Variants in EIF4A1 observed in about 807,000 individuals in gnomAD.
The protein encoded by EIF4A1 is eukaryotic translation initiation factor 4A1.
EIF4A1 carries 11 observed loss-of-function variants against 53.5 expected under a neutral mutation model. That is an observed-to-expected ratio of 0.21 (90% CI 0.13 to 0.34). The LOEUF (loss-of-function observed/expected upper bound fraction) is 0.34. Among genes scored for constraint, EIF4A1 ranks in the 10% least tolerant of loss-of-function variants. The pLI is 1.00. For missense variants in EIF4A1, 213 were observed against 530.8 expected, an observed-to-expected ratio of 0.40 and a Z score of 5.88; for synonymous variants, 237 against 186.7, an observed-to-expected ratio of 1.27 and a Z score of -2.20.
In EIF4A1 at chr17:7,578,780, G is replaced by C; in HGVS notation, c.*294G>C. Reference sequence around the variant, plus strand: ...CAGAGGCTCTCCTCACCTCAGCTGAGCTCCTTTGAAAGTGATTCAAGGGAC... The same window carrying C: ...CAGAGGCTCTCCTCACCTCAGCTGACCTCCTTTGAAAGTGATTCAAGGGAC... On this transcript the variant is annotated 3_prime_UTR_variant, in exon 11 of 11. Coordinates refer to ENST00000293831, the MANE Select transcript of EIF4A1 (RefSeq NM_001416.4). The C allele has an allele frequency of 4.3e-6, 1 of 233,162 alleles. No individual in the cohort carries two copies. The highest frequency in any genetic ancestry group is 8.3e-6 in the Non-Finnish European group (1 of 119,852). The allele number at this position is 233,162 out of a possible 1,614,324, so 14.4% of individuals were successfully genotyped here. A position where few individuals can be genotyped will look rare whatever the true frequency, so the allele number is the denominator to read the frequency against.
At chr17:7,578,108 C>T (rs751988474) in intron 9 of EIF4A1, 57 bp from the exon 10 acceptor site, 33 of 1,611,802 alleles carry the variant, frequency 2.0e-5, no homozygotes, top group Non-Finnish European at 2.8e-5. Flanking sequence ...AAGTGTCTTC[C>T]CTCCGGGATA....
intron 5 of EIF4A1, 55 bp downstream of exon 5, chr17:7,576,747 C>CCAGTCTTT: frequency 6.4e-7 from 1 of 1,566,232 alleles, no homozygotes; most frequent in Non-Finnish European, 8.7e-7. Context: ...TGCACGCTTT[C>CCAGTCTTT]CAGTCTTTCA....
chr17:7,578,146 G>GT lies in EIF4A1; in HGVS notation c.997-17dup. On this transcript the variant is annotated intron_variant, in intron 9 of 10. Coordinates refer to ENST00000293831, the MANE Select transcript of EIF4A1 (RefSeq NM_001416.4). ...GTGTCCTCCGTGCACATGCTGAAGA[G>GT]TTGTCTTTCTTGACGTAGGCCAGAG... The GT allele has an allele frequency of 6.2e-7, 1 of 1,614,206 alleles. No homozygotes were observed. The highest frequency in any genetic ancestry group is 1.1e-5 in the South Asian group (1 of 91,084).
Position 7,574,325 on chromosome 17 carries a change from G to A in EIF4A1, c.72+17G>A, listed in dbSNP as rs774973087. On this transcript the variant is annotated intron_variant, in intron 2 of 10. Transcript: ENST00000293831. ...GTCATCGAGGTGAGACTGGAGAAAT[G>A]GAATTCTGTCCTCCCCCATTACAAC... 2.5e-6 allele frequency: 4 copies of A among 1,614,146 alleles called. No individual in the cohort carries two copies. The South Asian group carries it at 3.3e-5, about 13-fold the overall frequency.
At position 7,578,740 on chromosome 17, in the gene EIF4A1, G is replaced by T. The variant is rs1448672428; in HGVS notation, c.*254G>T. ...AACACTAATCCATTTCCCTAACCTA[G>T]TAACCTCCAGATCCCAGAGGCTCTC... On this transcript the variant is annotated 3_prime_UTR_variant, in exon 11 of 11. Transcript: ENST00000293831. The T allele has an allele frequency of 3.4e-6, 1 of 294,790 alleles. No individual in the cohort carries two copies. The highest frequency in any genetic ancestry group is 2.2e-5 in the African/African-American group (1 of 44,744). The allele number at this position is 294,790 out of a possible 1,614,324, so 18.3% of individuals were successfully genotyped here. A position where few individuals can be genotyped will look rare whatever the true frequency, so the allele number is the denominator to read the frequency against.
chr17:7,578,317 C>T (rs770436401), intron 10 of EIF4A1, 25 bp from the exon 11 acceptor site: 5 of 1,613,094 alleles, frequency 3.1e-6, no homozygotes, highest in Non-Finnish European at 3.4e-6. Context: ...TCCTGATATT[C>T]CTCATCCCCT....
At chr17:7,573,965 C>T (rs973499937) in intron 1 of EIF4A1, 10 of 415,996 alleles carry the variant, frequency 2.4e-5, no homozygotes, top group African/African-American at 8.1e-5. Flanking sequence ...GTGGACCCGG[C>T]GGCAAGCACC....
At chr17:7,574,183 C>G in intron 1 of EIF4A1, 77 bp from the exon 2 acceptor site, 1 of 1,579,178 alleles carries the variant, frequency 6.3e-7, no homozygotes. Flanking sequence ...GCAGGCCACT[C>G]CTGACAGAGC....
chr17:7,576,954 G>C (rs1567734852), intron 5 of EIF4A1, 102 bp from the exon 6 acceptor site: 1 of 1,428,456 alleles, frequency 7.0e-7, no homozygotes, highest in East Asian at 2.3e-5. Context: ...TCTGAGAGCA[G>C]ACTACTTGGC....
At chr17:7,575,482 C>T (rs2071388198) in intron 4 of EIF4A1, 6 of 713,206 alleles carry the variant, frequency 8.4e-6, no homozygotes, top group Admixed American at 2.2e-5. Flanking sequence ...TGGGTGAAGC[C>T]TGGCTGGCTG....
chr17:7,574,697 A>C lies in EIF4A1; in HGVS notation c.205+19A>C. 1 of 1,612,194 alleles carries C rather than the reference A, an allele frequency of 6.2e-7. No individual in the cohort carries two copies. Among genetic ancestry groups the C allele is most frequent in the Non-Finnish European group, 8.5e-7 (1 of 1,180,010 alleles). ...ATCAAGGGTGAGACCTCTCAGTCCC[A>C]GAAGACATTGTGGACTGTCCCTGAC... On this transcript the variant is annotated intron_variant, in intron 3 of 10. Coordinates refer to ENST00000293831, the MANE Select transcript of EIF4A1 (RefSeq NM_001416.4).
rs768355633 is a variant in EIF4A1, at chr17:7,577,976, A to T, written c.996+60A>T. The T allele has an allele frequency of 3.7e-6, 6 of 1,605,850 alleles. No individual in the cohort carries two copies. The South Asian group carries it at 6.6e-5, about 18-fold the overall frequency. Reference sequence around the variant, plus strand: ...GAGGATCCAAGGTGATTCCCTCTCCAAGGGGACATCAGTGCCTCTCAGGAA... The same window carrying T: ...GAGGATCCAAGGTGATTCCCTCTCCTAGGGGACATCAGTGCCTCTCAGGAA... On this transcript the variant is annotated intron_variant, in intron 9 of 10. Transcript: ENST00000293831. The surrounding 1 kb of genome is among the most constrained non-coding windows in gnomAD (Gnocchi z 4.7).
rs2071423330 is a variant in EIF4A1, at chr17:7,577,937, G to C, written c.996+21G>C. ...TGCTGGTGAGTAGAGGGAACTGATAGCAAAGGCAGAAGGGAGGATCCAAGG... is the reference window on the plus strand; with the variant it reads ...TGCTGGTGAGTAGAGGGAACTGATACCAAAGGCAGAAGGGAGGATCCAAGG... On this transcript the variant is annotated intron_variant, in intron 9 of 10. Transcript: ENST00000293831. The surrounding 1 kb of genome is among the most constrained non-coding windows in gnomAD (Gnocchi z 4.7). The C allele has an allele frequency of 8.7e-6, 14 of 1,613,848 alleles. No individual in the cohort carries two copies. The highest frequency in any genetic ancestry group is 1.2e-5 in the Non-Finnish European group (14 of 1,179,844).
At chr17:7,573,997 G>A (rs2071364819) in intron 1 of EIF4A1, 1 of 501,238 alleles carries the variant, frequency 2.0e-6, no homozygotes, top group African/African-American at 1.9e-5. Context: ...CCGTGAGCGC[G>A]GCGGCACGCC....
chr17:7,572,897 CTTA>C, intron 1 of EIF4A1, 33 bp downstream of exon 1: 2 of 1,614,116 alleles, frequency 1.2e-6, no homozygotes, highest in Non-Finnish European at 1.7e-6. Context: ...ATTGTGGCTG[CTTA>C]TTTTGCCGCC....
At chr17:7,575,287 G>C in intron 4 of EIF4A1, 29 bp downstream of exon 4, 1 of 1,613,264 alleles carries the variant, frequency 6.2e-7, no homozygotes, top group Non-Finnish European at 8.5e-7. Context: ...CCCTCCTTCA[G>C]GGCTGATTTA....
Position 7,576,514 on chromosome 17 carries a change from C to G in EIF4A1, c.346-10C>G. ...AACTGACATATGAGCACCTGCCTCT[C>G]TCTGCTCAGATACAGAAGGTGGTCA... On this transcript the variant is annotated splice_polypyrimidine_tract_variant and intron_variant, in intron 4 of 10. Coordinates refer to ENST00000293831, the MANE Select transcript of EIF4A1 (RefSeq NM_001416.4). The G allele has an allele frequency of 6.4e-7, 1 of 1,560,906 alleles. No individual in the cohort carries two copies. The highest frequency in any genetic ancestry group is 8.7e-7 in the Non-Finnish European group (1 of 1,152,164).
At chr17:7,575,421 A>C in intron 4 of EIF4A1, 163 bp downstream of exon 4, 2 of 1,062,752 alleles carry the variant, frequency 1.9e-6, no homozygotes, top group African/African-American at 1.6e-5. Flanking sequence ...TCTTACCCAA[A>C]CGTAACCATT....
chr17:7,576,891 G>T, intron 5 of EIF4A1, 165 bp from the exon 6 acceptor site: 1 of 1,335,786 alleles, frequency 7.5e-7, no homozygotes, highest in Non-Finnish European at 1.1e-6. Context: ...CTACTTCCCA[G>T]GGCTGTTGTC....
Sources: gnomAD v4.1 joint callset for allele counts on GRCh38, gnomAD v4.1.1 for gene constraint, Gnocchi (gnomAD v3.1) non-coding constraint, MANE v1.5 for transcripts, NCBI Gene and HGNC (gene_info 2026-07-23, HGNC 2026-07-21) for gene names.